Variants in RAPGEF2 observed in about 807,000 individuals in gnomAD.
RAPGEF2 encodes Rap guanine nucleotide exchange factor 2, also known as PDZ domain containing guanine nucleotide exchange factor (GEF) 1.
RAPGEF2 carries 54 observed loss-of-function variants against 186.7 expected under a neutral mutation model. That is an observed-to-expected ratio of 0.29 (90% CI 0.23 to 0.36). The LOEUF is 0.36. RAPGEF2 is among the 10% of genes least tolerant of loss of function. RAPGEF2 has a pLI of 1.00. For missense variants in RAPGEF2, 1,532 were observed against 2,045.0 expected, an observed-to-expected ratio of 0.75 and a Z score of 4.84; for synonymous variants, 712 against 705.9, an observed-to-expected ratio of 1.01 and a Z score of -0.14.
chr4:159,126,074 T>G (rs1740267296), intron 1 of RAPGEF2, among the ~76,000 whole-genome samples: 1 of 152,220 alleles, frequency 6.6e-6, no homozygotes, highest in Non-Finnish European at 1.5e-5. Context: ...CTTTAACTAC[T>G]TGGTCAAAAA....
intron 1 of RAPGEF2, among the ~76,000 whole-genome samples, chr4:159,168,723 A>G (rs762939056): frequency 1.3e-5 from 2 of 152,206 alleles, no homozygotes; most frequent in African/African-American, 2.4e-5. Context: ...GTCACGTTTC[A>G]TTATGCGTAG....
At chr4:159,277,341 G>T (rs1316879914) in intron 7 of RAPGEF2, among the ~76,000 whole-genome samples, 2 of 152,232 alleles carry the variant, frequency 1.3e-5, no homozygotes, top group South Asian at 4.2e-4. Flanking sequence ...CATTTGGGTT[G>T]GTTCCAAGTC....
intron 7 of RAPGEF2, among the ~76,000 whole-genome samples, chr4:159,294,634 T>TCTTC (rs1207452261): frequency 0.092 from 12,261 of 132,672 alleles, 746 homozygotes; most frequent in East Asian, 0.17. Flanking sequence ...AGCTTCCATT[T>TCTTC]CTTCCTTCCT....
At chr4:159,184,588 A>G (rs1388810912) in intron 1 of RAPGEF2, among the ~76,000 whole-genome samples, 1 of 151,948 alleles carries the variant, frequency 6.6e-6, no homozygotes, top group East Asian at 1.9e-4. Flanking sequence ...TAATGGGGTT[A>G]TTTGATTTTT....
At chr4:159,338,500 T>G in intron 18 of RAPGEF2, 32 bp downstream of exon 18, 1 of 1,561,776 alleles carries the variant, frequency 6.4e-7, no homozygotes, top group Non-Finnish European at 8.8e-7. Context: ...TTTGTTTTCT[T>G]ATAGTTATCT....
At chr4:159,248,573 G>A (rs557354203) in intron 7 of RAPGEF2, among the ~76,000 whole-genome samples, 1 of 152,314 alleles carries the variant, frequency 6.6e-6, no homozygotes, top group African/African-American at 2.4e-5. Flanking sequence ...TGTGCTGTGT[G>A]TGCTGCAATT....
Position 159,356,113 on chromosome 4 carries a change from C to T in RAPGEF2, c.4912C>T (p.Arg1638Cys), listed in dbSNP as rs374988798. 2.5e-5 allele frequency: 40 copies of T among 1,614,038 alleles called. No homozygotes were observed. The highest frequency in any genetic ancestry group is 3.1e-5 in the Non-Finnish European group (37 of 1,180,022). The change falls in exon 29 of 30, where the codon CGC becomes TGC. Residue 1638 changes from arginine to cysteine, a missense_variant. Transcript: ENST00000691494. ...QWHKPNESDP[R>C]LAPYQSQGFS... is the part of the protein sequence containing the mutation. ...GCATAAACCGAACGAGTCTGACCCG[C>T]GCCTCGCCCCCTATCAGTCCCAAGG...
chr4:159,312,697 A>C (rs1302532837), intron 8 of RAPGEF2, among the ~76,000 whole-genome samples: 4 of 152,206 alleles, frequency 2.6e-5, no homozygotes, highest in South Asian at 2.1e-4. Flanking sequence ...TTTTTTAAAT[A>C]ATATATGCAT....
At chr4:159,257,399 GTCTT>G (rs941240195) in intron 7 of RAPGEF2, among the ~76,000 whole-genome samples, 56 of 152,184 alleles carry the variant, frequency 3.7e-4, no homozygotes, top group African/African-American at 1.3e-3. Flanking sequence ...AGAAATTCCC[GTCTT>G]TAAAACCATC....
intron 4 of RAPGEF2, among the ~76,000 whole-genome samples, chr4:159,215,841 G>T (rs1193461548): frequency 6.6e-6 from 1 of 152,152 alleles, no homozygotes; most frequent in Non-Finnish European, 1.5e-5. Flanking sequence ...GCCAATAGGA[G>T]GTTGGTAATT....
chr4:159,203,168 C>G, intron 3 of RAPGEF2, among the ~76,000 whole-genome samples: 1 of 152,136 alleles, frequency 6.6e-6, no homozygotes, highest in Middle Eastern at 3.2e-3. Flanking sequence ...AGAGTGCCAC[C>G]TTGTGGATCT....
chr4:159,234,331 A>G (rs956637378), intron 4 of RAPGEF2, among the ~76,000 whole-genome samples: 3 of 151,890 alleles, frequency 2.0e-5, no homozygotes, highest in African/African-American at 7.3e-5. Context: ...AAAAATGATT[A>G]TTTTAGAAAC....
intron 23 of RAPGEF2, 123 bp downstream of exon 23, chr4:159,344,182 G>A (rs1242555639): frequency 9.9e-7 from 1 of 1,012,372 alleles, no homozygotes; most frequent in Non-Finnish European, 1.5e-6. Flanking sequence ...CCCTCGTGCT[G>A]TAGCAGAATT....
chr4:159,141,404 T>C (rs1742315811), intron 1 of RAPGEF2, among the ~76,000 whole-genome samples: 1 of 152,132 alleles, frequency 6.6e-6, no homozygotes, highest in Non-Finnish European at 1.5e-5. Flanking sequence ...GATACCTCAT[T>C]ATTTATCTTA....
At chr4:159,316,870 G>C (rs1352299875) in intron 9 of RAPGEF2, among the ~76,000 whole-genome samples, 1 of 152,128 alleles carries the variant, frequency 6.6e-6, no homozygotes, top group Non-Finnish European at 1.5e-5. Flanking sequence ...TTGGATTTGA[G>C]TATGCCTCCC....
intron 1 of RAPGEF2, among the ~76,000 whole-genome samples, chr4:159,171,150 G>GCTGTTTT (rs2111248105): frequency 1.3e-5 from 2 of 152,262 alleles, no homozygotes; most frequent in East Asian, 3.9e-4. Context: ...AAACTAAAAT[G>GCTGTTTT]CTGTTTTGAG....
intron 9 of RAPGEF2, 107 bp from the exon 10 acceptor site, chr4:159,322,240 G>A (rs1480383901): frequency 8.8e-6 from 9 of 1,018,832 alleles, no homozygotes; most frequent in South Asian, 3.5e-5. Context: ...TTTTCAATAA[G>A]CAAAATTGTA....
At chr4:159,116,034 T>C (rs1398528547) in intron 1 of RAPGEF2, among the ~76,000 whole-genome samples, 1 of 152,068 alleles carries the variant, frequency 6.6e-6, no homozygotes, top group African/African-American at 2.4e-5. Context: ...CGGGCAAAGA[T>C]TTTATGATGA....
intron 2 of RAPGEF2, among the ~76,000 whole-genome samples, chr4:159,189,634 CT>C (rs1747909878): frequency 6.6e-6 from 1 of 152,122 alleles, no homozygotes; most frequent in East Asian, 1.9e-4. Flanking sequence ...GCCTTTAGAT[CT>C]TTGAGTAGTA....
Sources: gnomAD v4.1 joint callset for allele counts (sites outside exome capture counted in the v4.1 genomes callset) on GRCh38, gnomAD v4.1.1 for gene constraint, MANE v1.5 for transcripts, NCBI Gene and HGNC (gene_info 2026-07-23, HGNC 2026-07-21) for gene names.